SPRED2: variants seen among roughly 807,000 people sequenced by gnomAD.
The protein encoded by SPRED2 is sprouty related EVH1 domain containing 2, also known as sprouty-related, EVH1 domain-containing protein 2.
Under a neutral mutation model 43.0 loss-of-function variants are expected in SPRED2, and 47 were observed. That is an observed-to-expected ratio of 1.09 (90% confidence interval 0.87 to 1.40). SPRED2 has a LOEUF of 1.40. Among genes scored for constraint, SPRED2 ranks in the 40% most tolerant of loss-of-function variants. The pLI, the probability that SPRED2 is intolerant of heterozygous loss-of-function variation, is 0.00. For synonymous variants in SPRED2, 225 were observed against 225.7 expected (o/e 1.00, Z 0.03); for missense variants, 561 against 586.4 (o/e 0.96, Z 0.45).
chr2:65,393,326 C>CTTTTTTTT (rs55696467), intron 1 of SPRED2, among the ~76,000 whole-genome samples: 5 of 141,692 alleles, frequency 3.5e-5, no homozygotes, highest in Non-Finnish European at 3.1e-5. Flanking sequence ...AATCATAAGG[C>CTTTTTTTT]TTTTTTTTTT....
At chr2:65,334,394 G>T in intron 3 of SPRED2, 2 of 637,962 alleles carry the variant, frequency 3.1e-6, no homozygotes, top group Non-Finnish European at 5.8e-6. Context: ...AATCAATTGG[G>T]ATTACTCCTT....
At chr2:65,424,264 T>C (rs11689701) in intron 1 of SPRED2, among the ~76,000 whole-genome samples, 12,798 of 152,132 alleles carry the variant, frequency 0.084, 662 homozygotes, top group East Asian at 0.16. Flanking sequence ...TCTCCTTTAG[T>C]AGTTTTGAAA....
rs1475127352 is a variant in SPRED2, at chr2:65,314,168, G to A, written c.590C>T (p.Pro197Leu). 2 of 1,588,736 alleles carry A rather than the reference G, an allele frequency of 1.3e-6. No homozygotes were observed. The highest frequency in any genetic ancestry group is 1.7e-4 in the Middle Eastern group (1 of 5,954). ...CACCTGGCGGTAGGGCCTTGGCATC[G>A]GCTGTCCCGTAGGAGAGGAGACATT... Reference protein sequence around the residue: ...YPTDHYHLDQPMPRPYRQVSF... With the variant: ...YPTDHYHLDQLMPRPYRQVSF... The change falls in exon 6 of 6, where the codon CCG (proline) becomes CTG (leucine). Residue 197 changes from proline (P) to leucine (L), a missense_variant and splice_region_variant. Transcript: ENST00000356388.
At chr2:65,391,826 T>A (rs1303997784) in intron 1 of SPRED2, among the ~76,000 whole-genome samples, 1 of 152,186 alleles carries the variant, frequency 6.6e-6, no homozygotes, top group Non-Finnish European at 1.5e-5. Context: ...AAAACCACAA[T>A]AGCATTTTAA....
chr2:65,400,905 G>A (rs1393868448), intron 1 of SPRED2, among the ~76,000 whole-genome samples: 1 of 152,100 alleles, frequency 6.6e-6, no homozygotes, highest in African/African-American at 2.4e-5. Flanking sequence ...ACAAGATTTG[G>A]TTGGTATTTC....
intron 1 of SPRED2, among the ~76,000 whole-genome samples, chr2:65,431,245 C>T (rs1676681165): frequency 1.3e-5 from 2 of 151,620 alleles, no homozygotes; most frequent in Admixed American, 6.6e-5. Context: ...GCCCCCAGCG[C>T]GATGCCCCGC....
At chr2:65,321,595 T>G (rs1188287889) in intron 4 of SPRED2, among the ~76,000 whole-genome samples, 1 of 149,434 alleles carries the variant, frequency 6.7e-6, no homozygotes, top group East Asian at 2.0e-4. Flanking sequence ...AGGGGAGTAT[T>G]ACAATGCTAA....
At chr2:65,330,191 T>C (rs147394811) in intron 4 of SPRED2, among the ~76,000 whole-genome samples, 24 of 152,374 alleles carry the variant, frequency 1.6e-4, no homozygotes, top group African/African-American at 5.0e-4. Flanking sequence ...TCTTTGAGGG[T>C]TGGAGCCATG....
At chr2:65,334,163 C>T in intron 3 of SPRED2, 1 of 471,136 alleles carries the variant, frequency 2.1e-6, no homozygotes, top group Non-Finnish European at 4.4e-6. Flanking sequence ...GTCACAGATC[C>T]CTTTCCTTTT....
intron 1 of SPRED2, among the ~76,000 whole-genome samples, chr2:65,387,950 G>A (rs567282120): frequency 1.3e-5 from 2 of 152,214 alleles, no homozygotes; most frequent in East Asian, 3.9e-4. Context: ...GCACCACCAT[G>A]TCTGGCTAAT....
At chr2:65,356,051 G>C (rs567881288) in intron 1 of SPRED2, among the ~76,000 whole-genome samples, 1 of 152,316 alleles carries the variant, frequency 6.6e-6, no homozygotes, top group South Asian at 2.1e-4. Context: ...GTTGTTTAAA[G>C]TTAATAATCT....
chr2:65,423,281 A>C (rs2103803151), intron 1 of SPRED2, among the ~76,000 whole-genome samples: 1 of 152,328 alleles, frequency 6.6e-6, no homozygotes, highest in East Asian at 1.9e-4. Context: ...AGGTATCTAG[A>C]CCACATATCA....
intron 2 of SPRED2, among the ~76,000 whole-genome samples, chr2:65,341,597 G>T (rs752912477): frequency 6.6e-6 from 1 of 152,156 alleles, no homozygotes; most frequent in Non-Finnish European, 1.5e-5. Context: ...TCACTTCTTA[G>T]AGCATTGAGT....
intron 4 of SPRED2, among the ~76,000 whole-genome samples, chr2:65,323,104 T>C (rs998670911): frequency 2.0e-5 from 3 of 152,144 alleles, no homozygotes; most frequent in Admixed American, 1.3e-4. Context: ...AAGCGATTCT[T>C]ATGCCTCAGC....
At chr2:65,360,081 AAAAAAAAC>A (rs1286973494) in intron 1 of SPRED2, among the ~76,000 whole-genome samples, 39 of 67,800 alleles carry the variant, frequency 5.8e-4, no homozygotes, top group Admixed American at 4.5e-3. Context: ...AAAAAAAACA[AAAAAAAAC>A]AAAAAAAAAA....
At chr2:65,385,015 C>T (rs1417064273) in intron 1 of SPRED2, among the ~76,000 whole-genome samples, 2 of 147,636 alleles carry the variant, frequency 1.4e-5, no homozygotes, top group African/African-American at 2.5e-5. Context: ...CTCTGTCACC[C>T]AGGCTGGAGT....
At chr2:65,371,689 T>C (rs1388618824) in intron 1 of SPRED2, among the ~76,000 whole-genome samples, 2 of 152,072 alleles carry the variant, frequency 1.3e-5, no homozygotes, top group East Asian at 1.9e-4. Context: ...TCAGGGTTAA[T>C]TTGGGGATGT....
At chr2:65,423,478 C>T (rs536256834) in intron 1 of SPRED2, among the ~76,000 whole-genome samples, 1 of 152,212 alleles carries the variant, frequency 6.6e-6, no homozygotes, top group Non-Finnish European at 1.5e-5. Flanking sequence ...ACCAGGACAC[C>T]ATTAGAAAGC....
Position 65,345,622 on chromosome 2 carries a change from C to A in SPRED2, c.27-726G>T, listed in dbSNP as rs146634217. Among the ~76,000 whole-genome samples, 721 of 152,242 alleles carry A rather than the reference C, an allele frequency of 4.7e-3. 8 individuals carry two copies. Among genetic ancestry groups the A allele is most frequent in the African/African-American group, 0.017 (697 of 41,526 alleles). On this transcript the variant is annotated intron_variant, in intron 1 of 5. Transcript: ENST00000356388. The stretch of plus-strand genomic sequence containing the variant: ...TTTAAAATGAGTTGAAAATGAATGA[C>A]CAAGTTTTAACATTTTATAAAGCCA...
Sources: gnomAD v4.1 joint callset for allele counts (sites outside exome capture counted in the v4.1 genomes callset) on GRCh38, gnomAD v4.1.1 for gene constraint, MANE v1.5 for transcripts, NCBI Gene and HGNC (gene_info 2026-07-23, HGNC 2026-07-21) for gene names.